The following ZNF560 variants were observed in gnomAD, a reference collection of about 807,000 sequenced individuals.
The protein encoded by ZNF560 is zinc finger protein 560.
A neutral mutation model predicts 81.8 loss-of-function variants in ZNF560; 54 were observed. That is an observed-to-expected ratio of 0.66 (90% CI 0.53 to 0.83). ZNF560 has a LOEUF of 0.83. Among genes scored for constraint, ZNF560 ranks in the 40% least tolerant of loss-of-function variants. The probability of loss-of-function intolerance (pLI) is 0.00; values close to 1 mark genes in which losing one functional copy is unlikely to be tolerated. For missense variants in ZNF560, 940 were observed against 932.4 expected (o/e 1.01, Z -0.11); for synonymous variants, 321 against 317.9 (o/e 1.01, Z -0.10).
chr19:9,453,867 CA>C, the ZNF560 span, among the ~76,000 whole-genome samples: 1 of 152,078 alleles, frequency 6.6e-6, no homozygotes, highest in Admixed American at 6.5e-5. Context: ...AACCTTCATA[CA>C]AAAAAACAGG....
the ZNF560 span, among the ~76,000 whole-genome samples, chr19:9,447,379 T>C: frequency 6.6e-6 from 1 of 151,976 alleles, no homozygotes; most frequent in Non-Finnish European, 1.5e-5. Flanking sequence ...ACAGCAATGG[T>C]CCCTTTCCAA....
rs2073256422 is a variant in ZNF560 at position 9,479,741 on chromosome 19, G to A, written c.-56-4372C>T. Among the ~76,000 whole-genome samples, 5 of 152,016 alleles carry A rather than the reference G, an allele frequency of 3.3e-5. No homozygotes were observed. In the South Asian group the frequency reaches 1.0e-3, roughly 31 times the overall value. On this transcript the variant is annotated intron_variant, in intron 2 of 9. Transcript: ENST00000301480. Reference sequence around the variant, plus strand: ...ATACAGCAAAACAACTATTTACATAGCATTTACTTTAAGTTTTACAGTAAT... The same window carrying A: ...ATACAGCAAAACAACTATTTACATAACATTTACTTTAAGTTTTACAGTAAT...
At chr19:9,479,165 AT>A (rs1034752870) in intron 2 of ZNF560, among the ~76,000 whole-genome samples, 14 of 148,406 alleles carry the variant, frequency 9.4e-5, no homozygotes, top group East Asian at 2.0e-4. Context: ...CCAGCCTGGG[AT>A]TTTTTTTTTC....
chr19:9,470,351 C>T (rs1265827856), intron 7 of ZNF560, 41 bp downstream of exon 7: 2 of 1,567,448 alleles, frequency 1.3e-6, no homozygotes, highest in East Asian at 2.2e-5. Context: ...TAATTTGTAT[C>T]TTGTTCCAGA....
chr19:9,499,123 C>G (rs900803014), upstream of ZNF560, among the ~76,000 whole-genome samples: 1 of 152,086 alleles, frequency 6.6e-6, no homozygotes, highest in East Asian at 1.9e-4. Context: ...TTTCAGTTAT[C>G]GATACTTTCT....
At chr19:9,479,184 G>GAA (rs113154495) in intron 2 of ZNF560, among the ~76,000 whole-genome samples, 27 of 138,180 alleles carry the variant, frequency 2.0e-4, no homozygotes, top group African/African-American at 6.9e-4. Flanking sequence ...TTCCAAAATG[G>GAA]AAAAAAAAAA....
At chr19:9,459,941 A>G in the ZNF560 span, among the ~76,000 whole-genome samples, 1 of 152,076 alleles carries the variant, frequency 6.6e-6, no homozygotes, top group Non-Finnish European at 1.5e-5. Flanking sequence ...AGACTCTTTT[A>G]CATTATGTCA....
At chr19:9,474,902 A>G (rs1437883147) in intron 3 of ZNF560, among the ~76,000 whole-genome samples, 1 of 148,506 alleles carries the variant, frequency 6.7e-6, no homozygotes, top group Non-Finnish European at 1.5e-5. Flanking sequence ...CCTAAGATCA[A>G]GCGATAATGC....
chr19:9,470,616 T>A, intron 6 of ZNF560, 98 bp from the exon 7 acceptor site: 1 of 1,555,616 alleles, frequency 6.4e-7, no homozygotes, highest in Non-Finnish European at 8.8e-7. Flanking sequence ...TACAGGGTAC[T>A]GAGTGCTCCC....
At chr19:9,463,034 A>C (rs1381239913), downstream of ZNF560, among the ~76,000 whole-genome samples, 1 of 152,246 alleles carries the variant, frequency 6.6e-6, no homozygotes, top group Non-Finnish European at 1.5e-5. Context: ...ATTAGAAATA[A>C]AAGTATGCTT....
rs1392950968 is a variant in ZNF560 at position 9,467,208 on chromosome 19, G to A, written c.1739C>T (p.Ala580Val). Residue 580 changes from alanine to valine, a missense_variant, in exon 10 of 10, where the codon GCC becomes GTC. Ala to Val is a moderately conservative substitution (Grantham distance 64). Transcript: ENST00000301480. ...AGTAAGGTATGAGCGCTCAGTGAAG[G>A]CTTTCCCACATTTCATACATTCATA... ...KPYECMKCGK[A>V]FTERSYLTKH... 1.5e-5 allele frequency: 24 copies of A among 1,613,968 alleles called. No homozygotes were observed. The highest frequency in any genetic ancestry group is 2.0e-5 in the Non-Finnish European group (24 of 1,180,020).
At chr19:9,455,284 C>T in the ZNF560 span, among the ~76,000 whole-genome samples, 4 of 152,176 alleles carry the variant, frequency 2.6e-5, no homozygotes, top group African/African-American at 9.7e-5. Flanking sequence ...AAAAATGTTG[C>T]TACCTCCAGT....
chr19:9,491,528 A>C (rs1461087700), intron 2 of ZNF560, among the ~76,000 whole-genome samples: 1 of 152,064 alleles, frequency 6.6e-6, no homozygotes, highest in Admixed American at 6.6e-5. Context: ...AACACTTGGC[A>C]GACCTATAAG....
intron 2 of ZNF560, among the ~76,000 whole-genome samples, chr19:9,490,125 CAT>C (rs1811527212): frequency 6.6e-6 from 1 of 152,194 alleles, no homozygotes; most frequent in African/African-American, 2.4e-5. Context: ...GAATTTATCA[CAT>C]GTGATCTGCA....
intron 8 of ZNF560, 76 bp from the exon 9 acceptor site, chr19:9,469,263 A>G: frequency 8.7e-7 from 1 of 1,151,442 alleles, no homozygotes; most frequent in East Asian, 2.6e-5. Flanking sequence ...GATAGATTTG[A>G]ACAATTTATA....
chr19:9,445,983 T>G, the ZNF560 span, among the ~76,000 whole-genome samples: 1 of 152,036 alleles, frequency 6.6e-6, no homozygotes, highest in Non-Finnish European at 1.5e-5. Flanking sequence ...ACCAAGTAAA[T>G]GGAGAAAACA....
At position 9,467,196 on chromosome 19, in the gene ZNF560, C is replaced by A. The variant is rs149154228; in HGVS notation, c.1751G>T (p.Arg584Leu). ...CMKCGKAFTE[R>L]SYLTKHLRRH... ...TCGTAAATGTTTAGTAAGGTATGAG[C>A]GCTCAGTGAAGGCTTTCCCACATTT... The change falls in exon 10 of 10, where the codon CGC (arginine) becomes CTC (leucine). Residue 584 changes from arginine (R) to leucine (L), a missense_variant. Physicochemically the swap from Arg to Leu is moderately radical, Grantham distance 102. Coordinates refer to ENST00000301480, the MANE Select transcript of ZNF560 (RefSeq NM_152476.3). The A allele has an allele frequency of 1.2e-6, 2 of 1,613,380 alleles. No homozygotes were observed. Among genetic ancestry groups the A allele is most frequent in the South Asian group, 2.2e-5 (2 of 91,052 alleles).
At position 9,484,597 on chromosome 19, in the gene ZNF560, C is replaced by A. The variant is rs147743589; in HGVS notation, c.-56-9228G>T. Among the ~76,000 whole-genome samples the A allele has an allele frequency of 2.7e-4, 38 of 140,598 alleles. No homozygotes were observed. The East Asian group carries it at 7.4e-3, about 27-fold the overall frequency. 92.2% of individuals were successfully genotyped at this position (140,598 alleles called of 152,430 possible). On this transcript the variant is annotated intron_variant, in intron 2 of 9. Transcript: ENST00000301480. ...AGGAGTTTGAGACTATCCTGGCGAA[C>A]ATGGTGAAACCCTGTCTCTACCGAA... is the stretch of plus-strand genomic sequence containing the variant.
the ZNF560 span, among the ~76,000 whole-genome samples, chr19:9,503,777 A>G: frequency 6.6e-6 from 1 of 152,136 alleles, no homozygotes; most frequent in African/African-American, 2.4e-5. Context: ...GCCTCAAGTG[A>G]TCCTCCTGCA....
Sources: allele counts gnomAD v4.1 joint callset (sites outside exome capture counted in the v4.1 genomes callset), GRCh38; gene constraint gnomAD v4.1.1; transcripts MANE v1.5; gene names NCBI Gene and HGNC (gene_info 2026-07-23, HGNC 2026-07-21).